Variants in CTNNA2 observed in about 807,000 individuals in gnomAD.
CTNNA2 encodes catenin alpha 2.
In CTNNA2, 42 loss-of-function variants were observed where a neutral mutation model predicts 101.0. The ratio of observed to expected loss-of-function variants is 0.42; its 90% CI spans 0.32 to 0.54. The LOEUF is 0.54. CTNNA2 is among the 20% of genes least tolerant of loss of function. The probability of loss-of-function intolerance (pLI) is 0.14; values close to 1 mark genes in which losing one functional copy is unlikely to be tolerated. For synonymous variants in CTNNA2, 450 were observed against 456.4 expected, an observed-to-expected ratio of 0.99 and a Z score of 0.18; for missense variants, 871 against 1,223.1, an observed-to-expected ratio of 0.71 and a Z score of 4.29.
At chr2:79,785,248 C>T (rs1160467709) in intron 3 of CTNNA2, among the ~76,000 whole-genome samples, 1 of 152,196 alleles carries the variant, frequency 6.6e-6, no homozygotes, top group African/African-American at 2.4e-5. Context: ...GCCTTACAGG[C>T]CCCACCTGTT....
At chr2:79,549,055 A>G (rs1369897426) in intron 1 of CTNNA2, among the ~76,000 whole-genome samples, 1 of 152,194 alleles carries the variant, frequency 6.6e-6, no homozygotes, top group African/African-American at 2.4e-5. Context: ...GCATAGTAAT[A>G]CTTCAGAAAC....
At chr2:79,675,749 G>C (rs537219279) in intron 2 of CTNNA2, among the ~76,000 whole-genome samples, 1 of 152,072 alleles carries the variant, frequency 6.6e-6, no homozygotes, top group Admixed American at 6.5e-5. Flanking sequence ...AACAGTGCTC[G>C]GCATGTAGTA....
chr2:79,614,145 G>A (rs1250408154), intron 1 of CTNNA2, among the ~76,000 whole-genome samples: 1 of 151,918 alleles, frequency 6.6e-6, no homozygotes, highest in African/African-American at 2.4e-5. Flanking sequence ...TAAATATGGT[G>A]GATATAGCAC....
intron 9 of CTNNA2, among the ~76,000 whole-genome samples, chr2:80,450,460 A>G (rs1310440192): frequency 6.6e-6 from 1 of 152,170 alleles, no homozygotes; most frequent in African/African-American, 2.4e-5. Flanking sequence ...ATGTGCTGAG[A>G]GCATAAAGTT....
intron 3 of CTNNA2, among the ~76,000 whole-genome samples, chr2:79,345,920 G>A (rs994698656): frequency 5.5e-5 from 8 of 146,066 alleles, no homozygotes; most frequent in South Asian, 2.2e-4. Context: ...GGCTGGTCTC[G>A]AACTCCTGAG....
chr2:79,851,716 CTTTT>C (rs1680720588), intron 3 of CTNNA2, among the ~76,000 whole-genome samples: 1 of 115,846 alleles, frequency 8.6e-6, no homozygotes, highest in African/African-American at 3.2e-5. Flanking sequence ...TTTTCTTTTT[CTTTT>C]TCATTTTTTT....
intron 7 of CTNNA2, among the ~76,000 whole-genome samples, chr2:79,977,229 C>A (rs1690926662): frequency 6.6e-6 from 1 of 150,618 alleles, no homozygotes; most frequent in Admixed American, 6.6e-5. Context: ...CATGCACACA[C>A]ACACACACAC....
At chr2:80,349,105 G>C (rs1673050784) in intron 7 of CTNNA2, among the ~76,000 whole-genome samples, 1 of 152,152 alleles carries the variant, frequency 6.6e-6, no homozygotes, top group Non-Finnish European at 1.5e-5. Context: ...CAGTGACTTT[G>C]TTAAATGATA....
At chr2:80,383,441 C>T (rs1676697831) in intron 7 of CTNNA2, among the ~76,000 whole-genome samples, 1 of 152,182 alleles carries the variant, frequency 6.6e-6, no homozygotes, top group South Asian at 2.1e-4. Context: ...GCACATTCTA[C>T]TCACAAAAAG....
At chr2:79,537,984 T>C (rs957088235) in intron 1 of CTNNA2, among the ~76,000 whole-genome samples, 2 of 152,152 alleles carry the variant, frequency 1.3e-5, no homozygotes, top group African/African-American at 4.8e-5. Flanking sequence ...TTATTGATTC[T>C]ACTTTTGGAA....
chr2:80,522,701 C>T (rs1254521533), intron 9 of CTNNA2, among the ~76,000 whole-genome samples: 3 of 152,090 alleles, frequency 2.0e-5, no homozygotes, highest in African/African-American at 7.2e-5. Flanking sequence ...CCAGCCCCCA[C>T]TTCTTGCCAG....
intron 3 of CTNNA2, among the ~76,000 whole-genome samples, chr2:79,834,765 GA>G (rs1434235285): frequency 3.3e-5 from 1 of 29,856 alleles, no homozygotes; most frequent in South Asian, 5.7e-4. Flanking sequence ...TCCTATTTAA[GA>G]AATTTTTTTC....
At chr2:79,769,734 T>A (rs1303010639) in intron 3 of CTNNA2, among the ~76,000 whole-genome samples, 2 of 152,212 alleles carry the variant, frequency 1.3e-5, no homozygotes, top group African/African-American at 2.4e-5. Flanking sequence ...AGAATTCAAT[T>A]TGAAATATTC....
Position 79,580,452 on chromosome 2 carries a change from A to G in CTNNA2, c.-6+67245A>G, listed in dbSNP as rs1440015794. On this transcript the variant is annotated intron_variant, in intron 1 of 18. Coordinates refer to ENST00000402739, the MANE Select transcript of CTNNA2 (RefSeq NM_001282597.3). ...CCTACAACTTCAAGGAACTGAATTC[A>G]GCCAACAACTCCAATGAGCAAGGAA... Among the ~76,000 whole-genome samples the G allele has an allele frequency of 2.6e-5, 4 of 152,332 alleles. No homozygotes were observed. In the East Asian group the frequency reaches 7.7e-4, roughly 29 times the overall value.
At chr2:79,707,319 T>A (rs1047502366) in intron 2 of CTNNA2, among the ~76,000 whole-genome samples, 1 of 152,156 alleles carries the variant, frequency 6.6e-6, no homozygotes, top group Admixed American at 6.5e-5. Flanking sequence ...ATCCATATTG[T>A]ATATGGGTAA....
chr2:79,758,669 T>C (rs1672563994), intron 3 of CTNNA2, among the ~76,000 whole-genome samples: 1 of 152,160 alleles, frequency 6.6e-6, no homozygotes, highest in Non-Finnish European at 1.5e-5. Flanking sequence ...AATGTTTAGC[T>C]CCCACTTACA....
At chr2:79,959,514 C>G (rs192478134) in intron 7 of CTNNA2, among the ~76,000 whole-genome samples, 225 of 152,288 alleles carry the variant, frequency 1.5e-3, no homozygotes, top group Non-Finnish European at 1.7e-3. Context: ...TCTTACGCCA[C>G]TCTTAATGCC....
intron 2 of CTNNA2, among the ~76,000 whole-genome samples, chr2:79,280,450 A>G (rs944040355): frequency 1.5e-4 from 23 of 152,056 alleles, no homozygotes; most frequent in Admixed American, 1.3e-4. Context: ...AAAACAGCCA[A>G]ACCAGTTGTA....
chr2:79,620,336 G>A (rs557183357), intron 1 of CTNNA2, among the ~76,000 whole-genome samples: 17 of 152,184 alleles, frequency 1.1e-4, no homozygotes, highest in African/African-American at 3.6e-4. Context: ...TATTTTTTTA[G>A]TGTTCTTTGC....
Sources: allele counts gnomAD v4.1 joint callset (sites outside exome capture counted in the v4.1 genomes callset), GRCh38; gene constraint gnomAD v4.1.1; transcripts MANE v1.5; gene names NCBI Gene and HGNC (gene_info 2026-07-23, HGNC 2026-07-21).